Variants in DCLK1 observed in about 807,000 individuals in gnomAD.
The protein encoded by DCLK1 is serine/threonine-protein kinase DCLK1.
In DCLK1, 16 loss-of-function variants were observed where a neutral mutation model predicts 86.2. That is an observed-to-expected ratio of 0.19 (90% CI 0.13 to 0.28). The LOEUF is 0.28. Among genes scored for constraint, DCLK1 ranks in the 10% least tolerant of loss-of-function variants. The pLI is 1.00. For synonymous variants in DCLK1, 369 were observed against 370.5 expected (o/e 1.00, Z 0.05); for missense variants, 590 against 940.2 (o/e 0.63, Z 4.87).
At chr13:36,050,488 A>G (rs1169053978) in intron 3 of DCLK1, among the ~76,000 whole-genome samples, 1 of 152,140 alleles carries the variant, frequency 6.6e-6, no homozygotes, top group East Asian at 1.9e-4. Context: ...TTGAGTGCCA[A>G]CCAGCACCAG....
intron 3 of DCLK1, among the ~76,000 whole-genome samples, chr13:36,022,011 T>A (rs937254158): frequency 6.6e-6 from 1 of 151,972 alleles, no homozygotes; most frequent in Non-Finnish European, 1.5e-5. Context: ...CATAAAATGA[T>A]AGACCATGTA....
chr13:35,899,799 T>C (rs1020434211), intron 4 of DCLK1, among the ~76,000 whole-genome samples: 2 of 152,096 alleles, frequency 1.3e-5, no homozygotes, highest in African/African-American at 4.8e-5. Context: ...AGAGTAATAA[T>C]AATTTTGAAA....
At chr13:35,958,011 T>TCAC (rs1345950761) in intron 3 of DCLK1, among the ~76,000 whole-genome samples, 3 of 52,718 alleles carry the variant, frequency 5.7e-5, no homozygotes, top group African/African-American at 2.0e-4. Flanking sequence ...ATTATCACCA[T>TCAC]CACCATCACA....
intron 3 of DCLK1, among the ~76,000 whole-genome samples, chr13:36,007,269 C>T (rs537112320): frequency 4.2e-4 from 64 of 152,312 alleles, no homozygotes; most frequent in Non-Finnish European, 7.1e-4. Context: ...ACCAATAGTG[C>T]CTTCTTACTG....
chr13:36,031,150 A>C (rs1025621232), intron 3 of DCLK1, among the ~76,000 whole-genome samples: 1 of 152,158 alleles, frequency 6.6e-6, no homozygotes, highest in African/African-American at 2.4e-5. Flanking sequence ...AAAACCCGAA[A>C]TAGTGGTGAG....
chr13:36,090,303 C>G (rs1884773835), intron 3 of DCLK1, among the ~76,000 whole-genome samples: 1 of 152,202 alleles, frequency 6.6e-6, no homozygotes, highest in South Asian at 2.1e-4. Context: ...CCTCTATTCA[C>G]AGGCATATTT....
rs1324867977 is a variant in DCLK1, at chr13:36,029,326, CAT to C, written c.724-81871_724-81870del. Among the ~76,000 whole-genome samples, 9 of 152,264 alleles carry C rather than the reference CAT, an allele frequency of 5.9e-5. No homozygotes were observed. The South Asian group carries it at 6.2e-4, about 11-fold the overall frequency. On this transcript the variant is annotated intron_variant, in intron 3 of 16. Transcript: ENST00000360631. ...TGAGTCATAGTGACATGACATGACA[CAT>C]GTGTTTGTGTGGTTATCCATTGGAA...
chr13:35,833,780 G>GA (rs1321577148), intron 8 of DCLK1, among the ~76,000 whole-genome samples: 1 of 152,134 alleles, frequency 6.6e-6, no homozygotes. Context: ...TGGACCTCTG[G>GA]AAAATATTAG....
intron 4 of DCLK1, among the ~76,000 whole-genome samples, chr13:35,896,641 C>T (rs1874013324): frequency 1.4e-5 from 2 of 146,912 alleles, no homozygotes; most frequent in African/African-American, 5.0e-5. Context: ...CAGCAAAGTT[C>T]GTCTTATTGA....
At chr13:35,969,520 A>G (rs1292007450) in intron 3 of DCLK1, among the ~76,000 whole-genome samples, 1 of 152,210 alleles carries the variant, frequency 6.6e-6, no homozygotes, top group Admixed American at 6.5e-5. Flanking sequence ...CACCTTGATT[A>G]TGAACTTCTG....
chr13:35,828,132 A>G, intron 9 of DCLK1, 118 bp downstream of exon 9: 1 of 805,912 alleles, frequency 1.2e-6, no homozygotes, highest in Non-Finnish European at 2.0e-6. Flanking sequence ...AGTGTATAAC[A>G]TTCTATTCCA....
chr13:35,918,182 T>C (rs531638046), intron 4 of DCLK1, among the ~76,000 whole-genome samples: 4 of 152,354 alleles, frequency 2.6e-5, no homozygotes, highest in Admixed American at 2.0e-4. Flanking sequence ...TATTTTTCTT[T>C]CTAAAATGCA....
chr13:36,042,970 A>G (rs993013208), intron 3 of DCLK1, among the ~76,000 whole-genome samples: 1 of 152,304 alleles, frequency 6.6e-6, no homozygotes, highest in Non-Finnish European at 1.5e-5. Flanking sequence ...TGTTCACTCA[A>G]ATTAAATCTG....
chr13:35,940,160 G>A (rs1285842277), intron 4 of DCLK1, among the ~76,000 whole-genome samples: 5 of 150,906 alleles, frequency 3.3e-5, no homozygotes, highest in African/African-American at 1.2e-4. Flanking sequence ...GGTGGAGGTT[G>A]CAGTGAGCCG....
chr13:36,041,044 A>T (rs1309421441), intron 3 of DCLK1, among the ~76,000 whole-genome samples: 1 of 151,540 alleles, frequency 6.6e-6, no homozygotes, highest in Admixed American at 6.6e-5. Flanking sequence ...TTTTCCAAGG[A>T]CCTCTGTTCC....
chr13:36,028,544 G>A (rs1056867550), intron 3 of DCLK1, among the ~76,000 whole-genome samples: 4 of 152,190 alleles, frequency 2.6e-5, no homozygotes, highest in Middle Eastern at 3.4e-3. Flanking sequence ...CTGTTTCTTG[G>A]CCTGGGAAAT....
chr13:35,895,964 C>T (rs1873948299), intron 4 of DCLK1, among the ~76,000 whole-genome samples: 1 of 151,256 alleles, frequency 6.6e-6, no homozygotes, highest in African/African-American at 2.4e-5. Context: ...TCACATAAAC[C>T]TAAAACTCTC....
intron 3 of DCLK1, among the ~76,000 whole-genome samples, chr13:36,072,639 C>T (rs1032921955): frequency 1.3e-5 from 2 of 152,160 alleles, no homozygotes; most frequent in African/African-American, 4.8e-5. Context: ...TACCCCCAGC[C>T]TCTAGAAAAT....
At chr13:35,887,576 C>T (rs963156470) in intron 4 of DCLK1, among the ~76,000 whole-genome samples, 4 of 152,126 alleles carry the variant, frequency 2.6e-5, no homozygotes, top group East Asian at 1.9e-4. Flanking sequence ...GATGAAGAAA[C>T]GGGAATTTGG....
Sources: allele counts gnomAD v4.1 joint callset (sites outside exome capture counted in the v4.1 genomes callset), GRCh38; gene constraint gnomAD v4.1.1; transcripts MANE v1.5; gene names NCBI Gene and HGNC (gene_info 2026-07-23, HGNC 2026-07-21).